ARHGEF28: variants seen among roughly 807,000 people sequenced by gnomAD.
ARHGEF28 encodes the protein 190 kDa guanine nucleotide exchange factor.
A neutral mutation model predicts 206.6 loss-of-function variants in ARHGEF28; 152 were observed. That is an observed-to-expected ratio of 0.74 (90% CI 0.64 to 0.84). ARHGEF28 has a LOEUF of 0.84. Ranked by LOEUF, ARHGEF28 falls within the 40% of genes least tolerant of loss-of-function variation. The pLI is 0.00. For synonymous variants in ARHGEF28, 763 were observed against 776.4 expected, an observed-to-expected ratio of 0.98 and a Z score of 0.29; for missense variants, 2,028 against 2,073.2, an observed-to-expected ratio of 0.98 and a Z score of 0.42.
intron 16 of ARHGEF28, among the ~76,000 whole-genome samples, chr5:73,859,494 C>CACATATG (rs1561463292): frequency 6.6e-6 from 1 of 152,106 alleles, no homozygotes; most frequent in Non-Finnish European, 1.5e-5. Flanking sequence ...AAATACAATC[C>CACATATG]ACATATGACA....
intron 9 of ARHGEF28, among the ~76,000 whole-genome samples, chr5:73,804,962 T>C (rs1164997769): frequency 6.6e-6 from 1 of 152,186 alleles, no homozygotes; most frequent in African/African-American, 2.4e-5. Context: ...TACTTGTGGG[T>C]GTGGTGTCTA....
At chr5:73,730,375 G>A (rs1750537348) in intron 2 of ARHGEF28, among the ~76,000 whole-genome samples, 1 of 152,162 alleles carries the variant, frequency 6.6e-6, no homozygotes, top group Non-Finnish European at 1.5e-5. Flanking sequence ...GGTTAGATAG[G>A]TAGGGATGTC....
chr5:73,720,475 C>T (rs899216143), intron 2 of ARHGEF28, among the ~76,000 whole-genome samples: 18 of 152,090 alleles, frequency 1.2e-4, no homozygotes, highest in Non-Finnish European at 2.1e-4. Flanking sequence ...CCTCTAAGAC[C>T]TCAGTGGAGG....
At chr5:73,689,724 T>C (rs150196354) in intron 2 of ARHGEF28, among the ~76,000 whole-genome samples, 8 of 150,908 alleles carry the variant, frequency 5.3e-5, no homozygotes, top group African/African-American at 1.9e-4. Context: ...GAAAAGAAAC[T>C]GAAGGAGCAG....
chr5:73,748,015 A>G (rs1382077686), intron 2 of ARHGEF28, among the ~76,000 whole-genome samples: 1 of 152,148 alleles, frequency 6.6e-6, no homozygotes, highest in African/African-American at 2.4e-5. Flanking sequence ...TGTTTATATA[A>G]TTTGTTTTTT....
intron 35 of ARHGEF28, among the ~76,000 whole-genome samples, chr5:73,927,243 G>A (rs375619139): frequency 2.0e-4 from 31 of 152,138 alleles, no homozygotes; most frequent in Middle Eastern, 3.4e-3. Context: ...CAGGCATGGC[G>A]GAGTGCACCT....
chr5:73,940,336 A>C (rs1169437446), intron 35 of ARHGEF28, among the ~76,000 whole-genome samples: 1 of 152,172 alleles, frequency 6.6e-6, no homozygotes, highest in Non-Finnish European at 1.5e-5. Flanking sequence ...CAGATCTGTG[A>C]TTAACAGCAT....
At position 73,839,372 on chromosome 5, in the gene ARHGEF28, T is replaced by A. The variant is rs530364709; in HGVS notation, c.1147-1108T>A. Among the ~76,000 whole-genome samples the A allele has an allele frequency of 4.0e-4, 61 of 152,346 alleles. 1 individual carries two copies. Among genetic ancestry groups the A allele is most frequent in the Admixed American group, 2.9e-3 (45 of 15,308 alleles). ...TTTTTGCTTTAATAAATTATGATGA[T>A]GCTCGATGATTTAGGATTCTAACAT... On this transcript the variant is annotated intron_variant, in intron 10 of 35. Coordinates refer to ENST00000513042, the MANE Select transcript of ARHGEF28 (RefSeq NM_001177693.2).
intron 2 of ARHGEF28, among the ~76,000 whole-genome samples, chr5:73,740,010 A>AC (rs1200480734): frequency 6.7e-6 from 1 of 149,364 alleles, no homozygotes; most frequent in Non-Finnish European, 1.5e-5. Context: ...CTCTACCAAA[A>AC]AAAAAAAAAA....
intron 1 of ARHGEF28, among the ~76,000 whole-genome samples, chr5:73,657,453 C>T (rs1745294766): frequency 6.6e-6 from 1 of 152,150 alleles, no homozygotes; most frequent in Non-Finnish European, 1.5e-5. Flanking sequence ...TATTTTTTAA[C>T]ATCTTTATTT....
At chr5:73,842,188 T>A (rs949143159) in intron 11 of ARHGEF28, among the ~76,000 whole-genome samples, 1 of 152,154 alleles carries the variant, frequency 6.6e-6, no homozygotes, top group Non-Finnish European at 1.5e-5. Flanking sequence ...AGCTTTTTTT[T>A]CCCCCATATC....
intron 9 of ARHGEF28, among the ~76,000 whole-genome samples, chr5:73,802,870 CTGTGTGTGTGTGTGTGTG>C (rs561505395): frequency 1.7e-4 from 21 of 122,224 alleles, no homozygotes; most frequent in African/African-American, 2.5e-4. Flanking sequence ...AGCTCGATTG[CTGTGTGTGTGTGTGTGTG>C]TGTGTGTGTG....
intron 7 of ARHGEF28, among the ~76,000 whole-genome samples, chr5:73,788,885 C>A (rs1754306369): frequency 6.6e-6 from 1 of 152,056 alleles, no homozygotes; most frequent in African/African-American, 2.4e-5. Context: ...TACTTTCTCT[C>A]CATAATTGAA....
chr5:73,753,154 C>T lies in ARHGEF28; in HGVS notation c.427C>T (p.Leu143=), dbSNP rs1334792538. 1 of 1,551,274 alleles carries T rather than the reference C, an allele frequency of 6.4e-7. No homozygotes were observed. The highest frequency in any genetic ancestry group is 1.4e-5 in the African/African-American group (1 of 73,096). The part of the protein sequence containing the change: ...DEELVLALTH[L]ELPLEWTVLG... ...GGAGCTCGTGCTGGCTCTGACCCAT[C>T]TGGAATTGCCTCTAGAGTGGACTGT... The change falls in exon 4 of 36, where the codon CTG becomes TTG. Residue 143 remains leucine (L), a synonymous_variant. Transcript: ENST00000513042.
chr5:73,799,520 G>A (rs772737189), intron 9 of ARHGEF28, among the ~76,000 whole-genome samples: 2 of 152,112 alleles, frequency 1.3e-5, no homozygotes, highest in Admixed American at 6.5e-5. Context: ...GGAACATGAT[G>A]CTCCTGTTCT....
chr5:73,693,229 CA>C (rs1014288560), intron 2 of ARHGEF28, among the ~76,000 whole-genome samples: 3 of 152,212 alleles, frequency 2.0e-5, no homozygotes, highest in Admixed American at 2.0e-4. Context: ...TGCTCTGCCA[CA>C]TCTCCATTTC....
intron 2 of ARHGEF28, among the ~76,000 whole-genome samples, chr5:73,691,055 G>C (rs1372584544): frequency 6.6e-6 from 1 of 151,874 alleles, no homozygotes; most frequent in Non-Finnish European, 1.5e-5. Context: ...TCAGCTCCCA[G>C]AGTAGCTGGG....
intron 3 of ARHGEF28, among the ~76,000 whole-genome samples, chr5:73,750,741 G>C (rs73763106): frequency 0.015 from 2,231 of 152,258 alleles, 41 homozygotes; most frequent in African/African-American, 0.051. Context: ...CTACAGGACA[G>C]GGAGGGCATT....
chr5:73,912,424 T>C (rs1435095347), intron 35 of ARHGEF28, among the ~76,000 whole-genome samples: 1 of 152,234 alleles, frequency 6.6e-6, no homozygotes, highest in Non-Finnish European at 1.5e-5. Flanking sequence ...TTTCTATGCT[T>C]AATATATATT....
Sources: allele counts gnomAD v4.1 joint callset (sites outside exome capture counted in the v4.1 genomes callset), GRCh38; gene constraint gnomAD v4.1.1; transcripts MANE v1.5; gene names NCBI Gene and HGNC (gene_info 2026-07-23, HGNC 2026-07-21).